ASIC2: variants seen among roughly 807,000 people sequenced by gnomAD.
ASIC2 encodes the protein acid-sensing ion channel 2.
ASIC2 carries 25 observed loss-of-function variants against 57.3 expected under a neutral mutation model. That is an observed-to-expected ratio of 0.44 (90% CI 0.32 to 0.61). The LOEUF (loss-of-function observed/expected upper bound fraction) is 0.61. Ranked by LOEUF, ASIC2 falls within the 20% of genes least tolerant of loss-of-function variation. ASIC2 has a pLI of 0.06. For missense variants in ASIC2, 641 were observed against 738.1 expected (o/e 0.87, Z 1.52); for synonymous variants, 319 against 307.5 (o/e 1.04, Z -0.39).
rs530608890 is a variant in ASIC2, at chr17:33,568,962, G to C, written c.556-456895C>G. ...AGGCAGATGGCAGGCTCATTTCATA[G>C]AATTTATTTCCCTGAAAATTGATGA... On this transcript the variant is annotated intron_variant, in intron 1 of 9. Transcript: ENST00000359872. Among the ~76,000 whole-genome samples, 48 of 152,290 alleles carry C rather than the reference G, an allele frequency of 3.2e-4. No homozygotes were observed. In the South Asian group the frequency reaches 9.3e-3, roughly 30 times the overall value.
At chr17:34,095,710 AT>A (rs1910517464) in intron 1 of ASIC2, among the ~76,000 whole-genome samples, 1 of 137,008 alleles carries the variant, frequency 7.3e-6, no homozygotes, top group African/African-American at 2.6e-5. Flanking sequence ...GAGATATATA[AT>A]TTTATATATA....
intron 1 of ASIC2, among the ~76,000 whole-genome samples, chr17:33,761,500 G>A (rs1910776802): frequency 6.6e-6 from 1 of 152,178 alleles, no homozygotes; most frequent in South Asian, 2.1e-4. Flanking sequence ...TCTTGCTGCA[G>A]ATGTGGTCTG....
At chr17:33,134,820 A>G (rs1400070431) in intron 1 of ASIC2, among the ~76,000 whole-genome samples, 1 of 152,158 alleles carries the variant, frequency 6.6e-6, no homozygotes, top group Non-Finnish European at 1.5e-5. Flanking sequence ...CCCTGCCCCA[A>G]AGGTTGCTCC....
rs552957460 is a variant in ASIC2, at chr17:34,113,727, T to C, written c.555+42251A>G. On this transcript the variant is annotated intron_variant, in intron 1 of 9. Transcript: ENST00000359872. Reference sequence around the variant, plus strand: ...ACCTTGTCTGTACAAAAAAAAAAAATTGCCGGGTGCAGTGGTGTGCACCTA... The same window carrying C: ...ACCTTGTCTGTACAAAAAAAAAAAACTGCCGGGTGCAGTGGTGTGCACCTA... 5.3e-5 allele frequency among the ~76,000 whole-genome samples: 8 copies of C among 151,004 alleles called. No homozygotes were observed. The South Asian group carries it at 1.7e-3, about 32-fold the overall frequency.
chr17:33,896,516 G>C (rs1014577333), intron 1 of ASIC2, among the ~76,000 whole-genome samples: 4 of 152,206 alleles, frequency 2.6e-5, no homozygotes, highest in African/African-American at 7.2e-5. Flanking sequence ...ACAAAGAAAT[G>C]CTGATGGAGG....
At chr17:33,644,124 G>A (rs1327265703) in intron 1 of ASIC2, among the ~76,000 whole-genome samples, 3 of 152,128 alleles carry the variant, frequency 2.0e-5, no homozygotes, top group Admixed American at 6.6e-5. Flanking sequence ...CTTGCTTCTC[G>A]TTGTGTGTCT....
At chr17:34,117,221 G>T (rs1911452930) in intron 1 of ASIC2, among the ~76,000 whole-genome samples, 1 of 152,134 alleles carries the variant, frequency 6.6e-6, no homozygotes, top group Non-Finnish European at 1.5e-5. Context: ...AGGAGAGAAA[G>T]ATGAATAAGG....
intron 1 of ASIC2, among the ~76,000 whole-genome samples, chr17:33,616,704 C>G (rs1446176076): frequency 5.9e-5 from 9 of 152,234 alleles, no homozygotes; most frequent in Non-Finnish European, 1.3e-4. Context: ...AGCCTGGAAA[C>G]TGCATTTCCC....
At chr17:34,068,061 T>C (rs1212906837) in intron 1 of ASIC2, among the ~76,000 whole-genome samples, 1 of 152,182 alleles carries the variant, frequency 6.6e-6, no homozygotes, top group Non-Finnish European at 1.5e-5. Context: ...TCTATTTCTG[T>C]TTCAAAAGGC....
At chr17:33,837,304 C>T (rs1844733) in intron 1 of ASIC2, among the ~76,000 whole-genome samples, 1 of 152,284 alleles carries the variant, frequency 6.6e-6, no homozygotes, top group South Asian at 2.1e-4. Context: ...TGCATTGGCC[C>T]TGAGATTCTG....
At chr17:34,007,041 A>G (rs1157801042) in intron 1 of ASIC2, among the ~76,000 whole-genome samples, 1 of 152,212 alleles carries the variant, frequency 6.6e-6, no homozygotes, top group Non-Finnish European at 1.5e-5. Flanking sequence ...ACCATGCCTC[A>G]TGGAAGGGAC....
At chr17:33,849,339 T>A (rs947564292) in intron 1 of ASIC2, among the ~76,000 whole-genome samples, 2 of 152,100 alleles carry the variant, frequency 1.3e-5, no homozygotes, top group Non-Finnish European at 2.9e-5. Context: ...TCTACTGCAG[T>A]CTTAACTGAG....
chr17:34,065,965 T>A (rs1909159301), intron 1 of ASIC2, among the ~76,000 whole-genome samples: 1 of 152,170 alleles, frequency 6.6e-6, no homozygotes, highest in African/African-American at 2.4e-5. Flanking sequence ...CGAGATAGTA[T>A]TAGAACTGTC....
intron 1 of ASIC2, among the ~76,000 whole-genome samples, chr17:33,139,772 C>T (rs889183441): frequency 1.6e-4 from 24 of 152,156 alleles, no homozygotes; most frequent in Non-Finnish European, 5.9e-5. Context: ...TACTTCCCCT[C>T]CCTTCTTTCC....
chr17:34,119,560 C>A lies in ASIC2; in HGVS notation c.555+36418G>T, dbSNP rs1158715427. ...TCATGCCTGAATGTGACTCATTCTT[C>A]AAAGTCCAGCTCTAAAGTCAATTCC... On this transcript the variant is annotated intron_variant, in intron 1 of 9. Transcript: ENST00000359872. 2.6e-5 allele frequency among the ~76,000 whole-genome samples: 4 copies of A among 151,986 alleles called. No individual in the cohort carries two copies. The South Asian group carries it at 6.2e-4, about 24-fold the overall frequency.
At chr17:33,317,415 A>G (rs144480201) in intron 1 of ASIC2, among the ~76,000 whole-genome samples, 69 of 152,274 alleles carry the variant, frequency 4.5e-4, no homozygotes, top group African/African-American at 1.7e-3. Flanking sequence ...TTATACTTGC[A>G]TTGTCAACAT....
intron 1 of ASIC2, among the ~76,000 whole-genome samples, chr17:33,217,585 C>T (rs1010829501): frequency 2.0e-5 from 3 of 152,158 alleles, no homozygotes; most frequent in Admixed American, 6.5e-5. Flanking sequence ...ACCACTCCCC[C>T]GGAGTAGCAC....
intron 1 of ASIC2, among the ~76,000 whole-genome samples, chr17:34,075,295 T>C (rs1909593704): frequency 6.6e-6 from 1 of 152,086 alleles, no homozygotes; most frequent in East Asian, 1.9e-4. Flanking sequence ...CTGACGCAGA[T>C]CATAGAAAAA....
At chr17:34,025,113 G>A (rs572155730) in intron 1 of ASIC2, among the ~76,000 whole-genome samples, 3 of 152,254 alleles carry the variant, frequency 2.0e-5, no homozygotes, top group Admixed American at 6.5e-5. Flanking sequence ...GATCACCTTG[G>A]CAGAGGCTGA....
Sources: allele counts gnomAD v4.1 joint callset (sites outside exome capture counted in the v4.1 genomes callset), GRCh38; gene constraint gnomAD v4.1.1; transcripts MANE v1.5; gene names NCBI Gene and HGNC (gene_info 2026-07-23, HGNC 2026-07-21).